CADM2: variants seen among roughly 807,000 people sequenced by gnomAD.
The protein encoded by CADM2 is immunoglobulin superfamily member 4D.
CADM2 carries 12 observed loss-of-function variants against 49.8 expected under a neutral mutation model. That is an observed-to-expected ratio of 0.24 (90% confidence interval 0.15 to 0.39). The LOEUF (loss-of-function observed/expected upper bound fraction) is 0.39. CADM2 is among the 10% of genes least tolerant of loss of function. The pLI is 1.00. For synonymous variants in CADM2, 214 were observed against 175.4 expected (o/e 1.22, Z -1.74); for missense variants, 378 against 492.3 (o/e 0.77, Z 2.20).
chr3:85,671,944 G>C lies in CADM2; in HGVS notation c.62-54578G>C, dbSNP rs141457656. On this transcript the variant is annotated intron_variant, in intron 1 of 9. Coordinates refer to ENST00000383699, the MANE Select transcript of CADM2 (RefSeq NM_001167675.2). ...GGGTTATTATTACATTTTCAAAATT[G>C]ATGTCTGGAAAGGAAGTTTGATGAG... 2.5e-3 allele frequency among the ~76,000 whole-genome samples: 377 copies of C among 152,116 alleles called. 3 individuals are homozygous for C. Among genetic ancestry groups the C allele is most frequent in the East Asian group, 2.9e-3 (15 of 5,166 alleles).
intron 1 of CADM2, among the ~76,000 whole-genome samples, chr3:85,447,534 A>G (rs772267489): frequency 2.0e-5 from 3 of 152,166 alleles, no homozygotes; most frequent in Admixed American, 6.5e-5. Flanking sequence ...TGATAAAGCA[A>G]TGGTTACCCT....
intron 8 of CADM2, among the ~76,000 whole-genome samples, chr3:86,000,240 T>G (rs979442265): frequency 6.6e-6 from 1 of 152,118 alleles, no homozygotes; most frequent in Non-Finnish European, 1.5e-5. Context: ...GAGGGGATTG[T>G]TTTCTAAAAA....
At chr3:85,471,161 G>C (rs1408581463) in intron 1 of CADM2, among the ~76,000 whole-genome samples, 1 of 152,038 alleles carries the variant, frequency 6.6e-6, no homozygotes, top group Non-Finnish European at 1.5e-5. Flanking sequence ...CAAGATGTAG[G>C]GGTGGCTCAG....
intron 1 of CADM2, among the ~76,000 whole-genome samples, chr3:85,669,520 A>G (rs1238450013): frequency 6.6e-6 from 1 of 152,180 alleles, no homozygotes; most frequent in Admixed American, 6.6e-5. Flanking sequence ...TCAGTCAAGT[A>G]TTTATGATTG....
chr3:85,322,565 T>G (rs2107112306), intron 1 of CADM2, among the ~76,000 whole-genome samples: 1 of 152,300 alleles, frequency 6.6e-6, no homozygotes, highest in South Asian at 2.1e-4. Flanking sequence ...CTCAAGAAAT[T>G]ATTAATAGAA....
intron 1 of CADM2, among the ~76,000 whole-genome samples, chr3:85,380,767 A>T (rs1327588325): frequency 1.3e-5 from 2 of 151,858 alleles, no homozygotes; most frequent in African/African-American, 4.8e-5. Flanking sequence ...TTTTCTTTTG[A>T]TTCAGATAAT....
intron 1 of CADM2, among the ~76,000 whole-genome samples, chr3:85,603,885 ATAAGG>A (rs2063483956): frequency 6.6e-6 from 1 of 151,980 alleles, no homozygotes; most frequent in African/African-American, 2.4e-5. Context: ...TTCATTTTTA[ATAAGG>A]AAATGTATCC....
At chr3:85,103,874 A>T (rs2038108198) in intron 1 of CADM2, among the ~76,000 whole-genome samples, 1 of 152,188 alleles carries the variant, frequency 6.6e-6, no homozygotes, top group Non-Finnish European at 1.5e-5. Context: ...GGCTAGGATG[A>T]CATGTAAAGA....
At chr3:85,867,217 C>T (rs1047141185) in intron 3 of CADM2, among the ~76,000 whole-genome samples, 1 of 151,994 alleles carries the variant, frequency 6.6e-6, no homozygotes, top group African/African-American at 2.4e-5. Context: ...CCGTCAATCA[C>T]CTTCCTTCTT....
At chr3:85,503,838 T>C (rs866794432) in intron 1 of CADM2, among the ~76,000 whole-genome samples, 3 of 152,224 alleles carry the variant, frequency 2.0e-5, no homozygotes, top group Non-Finnish European at 2.9e-5. Context: ...TGAGTGAATT[T>C]TACAAACCTA....
chr3:85,695,595 C>T (rs2066526346), intron 1 of CADM2, among the ~76,000 whole-genome samples: 1 of 151,904 alleles, frequency 6.6e-6, no homozygotes, highest in South Asian at 2.1e-4. Context: ...TACGTACACA[C>T]ACACACACAC....
chr3:85,126,476 TA>T (rs1408939077), intron 1 of CADM2, among the ~76,000 whole-genome samples: 1 of 152,150 alleles, frequency 6.6e-6, no homozygotes, highest in Non-Finnish European at 1.5e-5. Context: ...AAATTTTAAA[TA>T]TAAGAAACAT....
intron 1 of CADM2, among the ~76,000 whole-genome samples, chr3:85,515,574 C>G (rs138123043): frequency 1.7e-3 from 247 of 143,550 alleles, no homozygotes; most frequent in African/African-American, 6.3e-3. Context: ...AGGAGAGTGC[C>G]ACCACGCCCT....
chr3:85,740,192 A>G (rs1454808501), intron 2 of CADM2, among the ~76,000 whole-genome samples: 1 of 152,212 alleles, frequency 6.6e-6, no homozygotes, highest in Non-Finnish European at 1.5e-5. Context: ...TTGGTAAACA[A>G]GTCTGTGTCT....
chr3:85,322,888 T>C (rs2044653020), intron 1 of CADM2, among the ~76,000 whole-genome samples: 2 of 152,150 alleles, frequency 1.3e-5, no homozygotes, highest in Admixed American at 6.5e-5. Flanking sequence ...CTGAAGAAAA[T>C]AGATAAAACC....
At chr3:85,946,495 G>A (rs1014060950) in intron 7 of CADM2, among the ~76,000 whole-genome samples, 18 of 152,090 alleles carry the variant, frequency 1.2e-4, no homozygotes, top group African/African-American at 4.1e-4. Context: ...AACAAGGCTG[G>A]AGGCATCATG....
intron 8 of CADM2, among the ~76,000 whole-genome samples, chr3:86,046,596 C>A (rs907294149): frequency 6.6e-6 from 1 of 151,906 alleles, no homozygotes; most frequent in African/African-American, 2.4e-5. Flanking sequence ...AGGGCAGCAC[C>A]GCACAGTAAA....
intron 3 of CADM2, among the ~76,000 whole-genome samples, chr3:85,851,991 A>G (rs1178807358): frequency 6.6e-6 from 1 of 152,022 alleles, no homozygotes; most frequent in African/African-American, 2.4e-5. Flanking sequence ...GATTCTTGTA[A>G]TATAACTACA....
intron 8 of CADM2, among the ~76,000 whole-genome samples, chr3:86,018,563 T>C (rs1406484552): frequency 1.3e-5 from 2 of 152,200 alleles, no homozygotes; most frequent in Non-Finnish European, 2.9e-5. Context: ...TTTTAATGAT[T>C]GCCATTCTAA....
Sources: allele counts gnomAD v4.1 joint callset (sites outside exome capture counted in the v4.1 genomes callset), GRCh38; gene constraint gnomAD v4.1.1; transcripts MANE v1.5; gene names NCBI Gene and HGNC (gene_info 2026-07-23, HGNC 2026-07-21).